The following GTF2H1 variants were observed in gnomAD, a reference collection of about 807,000 sequenced individuals.
GTF2H1 encodes general transcription factor IIH subunit 1, also known as BTF2 p62.
GTF2H1 carries 16 observed loss-of-function variants against 71.2 expected under a neutral mutation model. The ratio of observed to expected loss-of-function variants is 0.22; its 90% CI spans 0.15 to 0.34. The LOEUF (loss-of-function observed/expected upper bound fraction) is 0.34, where lower values mean the gene tolerates loss of function less well. Ranked by LOEUF, GTF2H1 falls within the 10% of genes least tolerant of loss-of-function variation. The pLI is 1.00. For synonymous variants in GTF2H1, 215 were observed against 219.0 expected, an observed-to-expected ratio of 0.98 and a Z score of 0.16; for missense variants, 498 against 648.2, an observed-to-expected ratio of 0.77 and a Z score of 2.52.
intron 7 of GTF2H1, among the ~76,000 whole-genome samples, chr11:18,342,449 AC>A (rs1306289105): frequency 1.3e-5 from 2 of 151,122 alleles, no homozygotes; most frequent in African/African-American, 4.9e-5. Flanking sequence ...TTTAGTAGAG[AC>A]AGGGTTTTGC....
At chr11:18,361,258 C>CATAG (rs375602016) in intron 14 of GTF2H1, among the ~76,000 whole-genome samples, 6 of 152,128 alleles carry the variant, frequency 3.9e-5, no homozygotes, top group African/African-American at 1.4e-4. Flanking sequence ...TGCCATAACC[C>CATAG]ATAGATATTC....
chr11:18,334,971 A>T (rs1051402203), intron 2 of GTF2H1, among the ~76,000 whole-genome samples: 3 of 151,604 alleles, frequency 2.0e-5, no homozygotes, highest in Admixed American at 6.6e-5. Flanking sequence ...TTTTTATTTT[A>T]AAAAAAACGG....
At chr11:18,340,722 C>T (rs905302699) in intron 5 of GTF2H1, among the ~76,000 whole-genome samples, 4 of 152,202 alleles carry the variant, frequency 2.6e-5, no homozygotes, top group African/African-American at 7.2e-5. Flanking sequence ...TTATGACCCT[C>T]ATTTTACAGA....
intron 14 of GTF2H1, 30 bp downstream of exon 14, chr11:18,360,737 C>T (rs747857366): frequency 5.0e-5 from 54 of 1,082,742 alleles, no homozygotes; most frequent in Non-Finnish European, 7.4e-5. Flanking sequence ...TTTGCCTGAT[C>T]TTCTTTCTCT....
At chr11:18,338,682 CAA>C (rs1262936120) in intron 4 of GTF2H1, among the ~76,000 whole-genome samples, 1 of 152,158 alleles carries the variant, frequency 6.6e-6, no homozygotes, top group Non-Finnish European at 1.5e-5. Flanking sequence ...TCCCTGGCCT[CAA>C]GAGTTCCTCC....
Position 18,351,943 on chromosome 11 carries a change from T to G in GTF2H1, c.1116T>G (p.Ile372Met), listed in dbSNP as rs763139677. Residue 372 changes from isoleucine (I) to methionine (M), a missense_variant, in exon 10 of 15, where the codon ATT becomes ATG. Ile to Met is a conservative substitution (Grantham distance 10, BLOSUM62 1). Around this residue, in one of 3 missense-constraint regions of GTF2H1, gnomAD observed 266 missense variants for 301.6 expected, o/e 0.88. Transcript: ENST00000265963. ...GGAAAAATAATTCTGTAAAAACGAT[T>G]GCACTAAACCTCAAGAAGTCAGATA... ...DLGKNNSVKT[I>M]ALNLKKSDRY... is the part of the protein sequence containing the mutation. 2 of 1,595,850 alleles carry G rather than the reference T, an allele frequency of 1.3e-6. No individual in the cohort carries two copies. Among genetic ancestry groups the G allele is most frequent in the East Asian group, 2.2e-5 (1 of 44,670 alleles).
chr11:18,356,354 G>C (rs965014318), intron 11 of GTF2H1, among the ~76,000 whole-genome samples: 1 of 149,518 alleles, frequency 6.7e-6, no homozygotes, highest in African/African-American at 2.5e-5. Flanking sequence ...CTCCAGCCTG[G>C]GCAATAGAGT....
intron 3 of GTF2H1, among the ~76,000 whole-genome samples, chr11:18,337,140 T>C (rs1478027134): frequency 6.6e-6 from 1 of 152,196 alleles, no homozygotes; most frequent in Non-Finnish European, 1.5e-5. Flanking sequence ...AAAAATCCAT[T>C]GCTGAAGGCG....
intron 11 of GTF2H1, among the ~76,000 whole-genome samples, chr11:18,357,109 C>T (rs1190662893): frequency 6.6e-6 from 1 of 152,158 alleles, no homozygotes; most frequent in Non-Finnish European, 1.5e-5. Flanking sequence ...AAAATGTTTT[C>T]ATCCAATCTA....
chr11:18,349,944 C>A (rs1238201493), intron 9 of GTF2H1, among the ~76,000 whole-genome samples: 2 of 152,184 alleles, frequency 1.3e-5, no homozygotes, highest in African/African-American at 4.8e-5. Context: ...TTGAATATCT[C>A]ATGTAACTCA....
chr11:18,352,481 C>A, intron 11 of GTF2H1, 35 bp downstream of exon 11: 1 of 815,666 alleles, frequency 1.2e-6, no homozygotes, highest in South Asian at 1.4e-5. Flanking sequence ...GCCAGAATTC[C>A]CATAGTTCCT....
intron 1 of GTF2H1, among the ~76,000 whole-genome samples, chr11:18,325,208 G>A (rs1864732775): frequency 6.6e-6 from 1 of 152,194 alleles, no homozygotes; most frequent in East Asian, 1.9e-4. Context: ...GGGGATGTAG[G>A]TAATGGAAAT....
intron 1 of GTF2H1, 35 bp from the exon 2 acceptor site, chr11:18,333,025 A>G: frequency 6.7e-7 from 1 of 1,490,288 alleles, no homozygotes; most frequent in Non-Finnish European, 9.1e-7. Context: ...GATGTGTGGA[A>G]TAGTTTTTTT....
intron 14 of GTF2H1, among the ~76,000 whole-genome samples, chr11:18,364,822 T>G (rs4150679): frequency 0.02 from 2,976 of 152,262 alleles, 102 homozygotes; most frequent in African/African-American, 0.068. Flanking sequence ...TTCACAAAAT[T>G]ATGCAGAATT....
At chr11:18,344,467 A>C (rs1477424850) in intron 7 of GTF2H1, among the ~76,000 whole-genome samples, 1 of 152,000 alleles carries the variant, frequency 6.6e-6, no homozygotes, top group Non-Finnish European at 1.5e-5. Context: ...AAAAATACAA[A>C]AATTAGCCGG....
chr11:18,357,911 A>G lies in GTF2H1; in HGVS notation c.1261-41A>G, dbSNP rs561396856. 139 of 1,157,518 alleles carry G rather than the reference A, an allele frequency of 1.2e-4. No homozygotes were observed. The African/African-American group carries it at 1.4e-3, about 12-fold the overall frequency. 71.7% of individuals were successfully genotyped at this position (1,157,518 alleles called of 1,614,324 possible). ...GAAAGAGAGGTGGCAAAAAAAAAAA[A>G]GGGAGGAAAACCAGTTTTAATGCAT... On this transcript the variant is annotated intron_variant, in intron 11 of 14. Coordinates refer to ENST00000265963, the MANE Select transcript of GTF2H1 (RefSeq NM_005316.4).
At chr11:18,346,620 G>C (rs1220315372) in intron 7 of GTF2H1, among the ~76,000 whole-genome samples, 1 of 151,624 alleles carries the variant, frequency 6.6e-6, no homozygotes, top group Non-Finnish European at 1.5e-5. Context: ...CTACTTTATA[G>C]AGCTTGGAAA....
chr11:18,358,561 A>G lies in GTF2H1; in HGVS notation c.1388A>G (p.His463Arg). The G allele has an allele frequency of 6.2e-7, 1 of 1,611,750 alleles. No homozygotes were observed. The highest frequency in any genetic ancestry group is 8.5e-7 in the Non-Finnish European group (1 of 1,177,884). Residue 463 changes from histidine (H) to arginine (R), a missense_variant, in exon 13 of 15, where the codon CAC becomes CGC. By Grantham distance (29) the His-to-Arg change is conservative (BLOSUM62 0). This residue lies in a region of GTF2H1 where 266 missense variants were observed against 301.6 expected (regional missense o/e 0.88). Transcript: ENST00000265963. ...VPNDIQSELK[H>R]LYVAVGELLR... is the part of the protein sequence containing the mutation. ...AATGATATTCAATCTGAATTGAAAC[A>G]CTTATATGTAGCTGTTGGAGAACTT... is the stretch of plus-strand genomic sequence containing the variant.
At chr11:18,362,875 C>T (rs951502844) in intron 14 of GTF2H1, among the ~76,000 whole-genome samples, 10 of 151,798 alleles carry the variant, frequency 6.6e-5, no homozygotes, top group Admixed American at 5.3e-4. Context: ...TTCACTGTGT[C>T]GGCCAGGTTG....
Sources: gnomAD v4.1 joint callset for allele counts (sites outside exome capture counted in the v4.1 genomes callset) on GRCh38, gnomAD v4.1.1 for gene constraint, gnomAD v4.1.1 regional missense constraint, MANE v1.5 for transcripts, NCBI Gene and HGNC (gene_info 2026-07-23, HGNC 2026-07-21) for gene names.